The following ADAM32 variants were observed in gnomAD, a reference collection of about 807,000 sequenced individuals.
ADAM32 encodes ADAM metallopeptidase domain 32, also known as disintegrin and metalloproteinase domain-containing protein 32.
ADAM32 carries 89 observed loss-of-function variants against 114.9 expected under a neutral mutation model. That is an observed-to-expected ratio of 0.77 (90% CI 0.65 to 0.92). ADAM32 has a LOEUF of 0.92. Ranked by LOEUF, ADAM32 falls within the 40% of genes least tolerant of loss-of-function variation. The probability of loss-of-function intolerance (pLI) is 0.00; values close to 1 mark genes in which losing one functional copy is unlikely to be tolerated. For missense variants in ADAM32, 870 were observed against 932.8 expected (o/e 0.93, Z 0.88); for synonymous variants, 285 against 307.5 (o/e 0.93, Z 0.77).
At chr8:39,147,645 G>A (rs916834341) in intron 4 of ADAM32, among the ~76,000 whole-genome samples, 1 of 151,366 alleles carries the variant, frequency 6.6e-6, no homozygotes, top group African/African-American at 2.4e-5. Context: ...TTCTTCCTCT[G>A]CCTTCACCCA....
intron 6 of ADAM32, 148 bp from the exon 7 acceptor site, chr8:39,160,749 A>T: frequency 1.5e-6 from 1 of 688,656 alleles, no homozygotes; most frequent in East Asian, 3.1e-5. Flanking sequence ...CATAAAACTT[A>T]AAACTTTATT....
At chr8:39,229,813 A>G (rs1011345719) in intron 14 of ADAM32, among the ~76,000 whole-genome samples, 5 of 152,180 alleles carry the variant, frequency 3.3e-5, no homozygotes, top group African/African-American at 1.2e-4. Context: ...TCAACAAGCA[A>G]TGGATTTAAA....
chr8:39,121,254 G>C (rs939323220), intron 2 of ADAM32, among the ~76,000 whole-genome samples: 1 of 152,188 alleles, frequency 6.6e-6, no homozygotes, highest in Non-Finnish European at 1.5e-5. Context: ...TGGAACTAAA[G>C]GGAACAGAGA....
intron 17 of ADAM32, among the ~76,000 whole-genome samples, chr8:39,246,693 C>T (rs778615314): frequency 8.5e-5 from 13 of 152,174 alleles, no homozygotes; most frequent in South Asian, 4.1e-4. Context: ...TGATGACCTA[C>T]AAGGACATAT....
chr8:39,275,327 A>C (rs1364347927), intron 21 of ADAM32, among the ~76,000 whole-genome samples: 1 of 152,178 alleles, frequency 6.6e-6, no homozygotes, highest in East Asian at 1.9e-4. Flanking sequence ...CTCTGTTACT[A>C]TCACTAGAAA....
intron 13 of ADAM32, 70 bp downstream of exon 13, chr8:39,221,772 A>G: frequency 1.0e-6 from 1 of 983,186 alleles, no homozygotes; most frequent in Non-Finnish European, 1.5e-6. Flanking sequence ...TACAACACAG[A>G]CCTACAGCTG....
At chr8:39,153,108 C>T (rs1803939278) in intron 6 of ADAM32, among the ~76,000 whole-genome samples, 1 of 152,158 alleles carries the variant, frequency 6.6e-6, no homozygotes, top group South Asian at 2.1e-4. Flanking sequence ...GAAATAGACT[C>T]TAAGTTTGCT....
chr8:39,170,719 T>A (rs1805134789), intron 10 of ADAM32, among the ~76,000 whole-genome samples: 1 of 152,106 alleles, frequency 6.6e-6, no homozygotes, highest in Non-Finnish European at 1.5e-5. Context: ...GATATATATA[T>A]CTTATTGTTT....
chr8:39,165,325 G>A, intron 9 of ADAM32, 129 bp downstream of exon 9: 1 of 685,342 alleles, frequency 1.5e-6, no homozygotes, highest in Non-Finnish European at 2.2e-6. Flanking sequence ...GCTTTATTCA[G>A]GCTTTATGCT....
chr8:39,214,351 T>G (rs1808424102), intron 12 of ADAM32, among the ~76,000 whole-genome samples: 1 of 152,184 alleles, frequency 6.6e-6, no homozygotes. Context: ...TAGCATTTGT[T>G]ATTGCCTGCC....
rs1272278585 is a variant in ADAM32, at chr8:39,187,059, A to AT, written c.1052+17dup. The AT allele has an allele frequency of 6.3e-7, 1 of 1,585,648 alleles. No individual in the cohort carries two copies. The highest frequency in any genetic ancestry group is 8.6e-7 in the Non-Finnish European group (1 of 1,165,478). On this transcript the variant is annotated intron_variant, in intron 11 of 24. Transcript: ENST00000379907. ...TCCAGAAGTTGTGTAAGTTTTAACA[A>AT]TTTATTTATTGCTTATGTTTATTTC...
rs1808196534 is a variant in ADAM32 at position 39,211,275 on chromosome 8, G to T, written c.1184G>T (p.Gly395Val). 4 of 1,595,576 alleles carry T rather than the reference G, an allele frequency of 2.5e-6. No homozygotes were observed. Among genetic ancestry groups the T allele is most frequent in the Non-Finnish European group, 3.4e-6 (4 of 1,171,048 alleles). The change falls in exon 12 of 25, where the codon GGC becomes GTC. Residue 395 changes from glycine to valine, a missense_variant. Physicochemically the swap from Gly to Val is moderately radical, Grantham distance 109. Coordinates refer to ENST00000379907, the MANE Select transcript of ADAM32 (RefSeq NM_145004.7). Reference sequence around the variant, plus strand: ...AAAAAATCTCCGAAACCAGTCTGTGGCAATGGCAGATTGGAGGGAAATGAA... The same window carrying T: ...AAAAAATCTCCGAAACCAGTCTGTGTCAATGGCAGATTGGAGGGAAATGAA... ...MQKKSPKPVC[G>V]NGRLEGNEIC...
At chr8:39,169,497 G>C (rs189004942) in intron 9 of ADAM32, 1 of 154,126 alleles carries the variant, frequency 6.5e-6, no homozygotes. Context: ...ATAATGTTTG[G>C]GTGTGAAACA....
At chr8:39,244,797 ATATG>A (rs1564674778) in intron 16 of ADAM32, among the ~76,000 whole-genome samples, 1 of 152,202 alleles carries the variant, frequency 6.6e-6, no homozygotes, top group Non-Finnish European at 1.5e-5. Context: ...ACATGTATAC[ATATG>A]TAACAAACCT....
chr8:39,271,268 A>T (rs949451277), intron 20 of ADAM32, among the ~76,000 whole-genome samples: 2 of 152,202 alleles, frequency 1.3e-5, no homozygotes, highest in African/African-American at 4.8e-5. Context: ...GATAAACCAC[A>T]TGTATGATGG....
At chr8:39,140,913 C>T (rs906747337) in intron 3 of ADAM32, among the ~76,000 whole-genome samples, 2 of 152,160 alleles carry the variant, frequency 1.3e-5, no homozygotes, top group African/African-American at 4.8e-5. Context: ...TTATCCATTT[C>T]TTCTAGATTT....
In ADAM32 at chr8:39,124,822, C is replaced by G. The variant is rs201563926; in HGVS notation, c.138+6657C>G. 1.1e-4 allele frequency among the ~76,000 whole-genome samples: 17 copies of G among 152,268 alleles called. No individual in the cohort carries two copies. In the East Asian group the frequency reaches 3.1e-3, roughly 28 times the overall value. ...GCAATAAACATACATGTGTATGTAT[C>G]TTTACAATGGAATAGTTTATATTCC... On this transcript the variant is annotated intron_variant, in intron 2 of 24. Transcript: ENST00000379907.
chr8:39,170,982 G>A (rs1805149807), intron 10 of ADAM32, among the ~76,000 whole-genome samples: 1 of 152,076 alleles, frequency 6.6e-6, no homozygotes, highest in Admixed American at 6.6e-5. Flanking sequence ...ATGCCAGGCT[G>A]GAGTGCAGCA....
At chr8:39,269,845 T>A (rs1812599786) in intron 19 of ADAM32, among the ~76,000 whole-genome samples, 1 of 152,144 alleles carries the variant, frequency 6.6e-6, no homozygotes, top group Non-Finnish European at 1.5e-5. Flanking sequence ...CAAGACTGGG[T>A]AATTTATAAA....
Sources: gnomAD v4.1 joint callset for allele counts (sites outside exome capture counted in the v4.1 genomes callset) on GRCh38, gnomAD v4.1.1 for gene constraint, MANE v1.5 for transcripts, NCBI Gene and HGNC (gene_info 2026-07-23, HGNC 2026-07-21) for gene names.